The following ANK1 variants were observed in gnomAD, a reference collection of about 807,000 sequenced individuals.
ANK1 encodes the protein ankyrin 1.
A neutral mutation model predicts 210.4 loss-of-function variants in ANK1; 51 were observed. The ratio of observed to expected loss-of-function variants is 0.24; its 90% CI spans 0.19 to 0.31. ANK1 has a LOEUF of 0.31. Ranked by LOEUF, ANK1 falls within the 10% of genes least tolerant of loss-of-function variation. The pLI is 1.00. For synonymous variants in ANK1, 967 were observed against 1,025.9 expected (o/e 0.94, Z 1.10); for missense variants, 2,051 against 2,504.4 (o/e 0.82, Z 3.86).
chr8:41,801,686 C>T (rs942862330), upstream of ANK1, among the ~76,000 whole-genome samples: 6 of 152,112 alleles, frequency 3.9e-5, no homozygotes, highest in Non-Finnish European at 8.8e-5. Context: ...CTATTCAAGC[C>T]CTTTGCCCAT....
intron 5 of ANK1, among the ~76,000 whole-genome samples, chr8:41,726,995 T>C (rs1301388878): frequency 6.6e-6 from 1 of 152,188 alleles, no homozygotes; most frequent in Non-Finnish European, 1.5e-5. Flanking sequence ...GTCACAAGTA[T>C]TGGCCACAGC....
At chr8:41,673,925 G>A (rs1232063014) in intron 37 of ANK1, among the ~76,000 whole-genome samples, 1 of 152,208 alleles carries the variant, frequency 6.6e-6, no homozygotes, top group Admixed American at 6.5e-5. Context: ...CCCTGGGAAT[G>A]GGCAGGGCTG....
chr8:41,846,515 G>A (rs545861902), intron 1 of ANK1, among the ~76,000 whole-genome samples: 4 of 152,352 alleles, frequency 2.6e-5, no homozygotes, highest in East Asian at 1.9e-4. Flanking sequence ...CTGAAGGCTC[G>A]CAGGGGCTGG....
intron 35 of ANK1, among the ~76,000 whole-genome samples, chr8:41,687,558 C>G (rs11780566): frequency 0.43 from 64,663 of 152,060 alleles, 16,162 homozygotes; most frequent in Middle Eastern, 0.55. Context: ...CTTAACAGCC[C>G]GAGCCCTGAA....
At chr8:41,660,508 C>T in intron 42 of ANK1, 1 of 466,470 alleles carries the variant, frequency 2.1e-6, no homozygotes, top group South Asian at 1.6e-5. Flanking sequence ...GTACAGGATG[C>T]CCCAGGGAGG....
At chr8:41,719,551 G>A in intron 10 of ANK1, 110 bp downstream of exon 10, 1 of 1,423,704 alleles carries the variant, frequency 7.0e-7, no homozygotes, top group Non-Finnish European at 9.8e-7. Context: ...CTCGAATCTG[G>A]GGAGCTCCGG....
chr8:41,878,227 C>G (rs1816937300), intron 1 of ANK1, among the ~76,000 whole-genome samples: 1 of 152,170 alleles, frequency 6.6e-6, no homozygotes, highest in South Asian at 2.1e-4. Flanking sequence ...TTCCTAGCTA[C>G]CCTACCGGGA....
rs185350979 is a variant in ANK1, at chr8:41,737,567, C to T, written c.130-3498G>A. ...GGGCCGCCTGAGTAGACCTGCCTCT[C>T]GCGGAGCTGCACTCTCCCTCCATCC... On this transcript the variant is annotated intron_variant, in intron 2 of 42. Transcript: ENST00000289734. 4.6e-5 allele frequency among the ~76,000 whole-genome samples: 7 copies of T among 152,352 alleles called. No homozygotes were observed. In the East Asian group the frequency reaches 1.2e-3, roughly 25 times the overall value.
intron 1 of ANK1, among the ~76,000 whole-genome samples, chr8:41,883,362 T>C (rs1433741636): frequency 3.3e-5 from 5 of 152,260 alleles, no homozygotes; most frequent in Admixed American, 1.3e-4. Flanking sequence ...TGTAAGCCAG[T>C]TGGCATCTGG....
intron 1 of ANK1, among the ~76,000 whole-genome samples, chr8:41,758,491 C>G (rs1206008093): frequency 6.6e-6 from 1 of 152,068 alleles, no homozygotes; most frequent in Non-Finnish European, 1.5e-5. Flanking sequence ...TACCACCAAG[C>G]CCAACTATTT....
chr8:41,693,863 G>A (rs564389607), intron 29 of ANK1, 35 bp downstream of exon 29: 1 of 1,573,414 alleles, frequency 6.4e-7, no homozygotes, highest in South Asian at 1.2e-5. Flanking sequence ...CACTGCAGCA[G>A]CCGAGAACAG....
intron 2 of ANK1, among the ~76,000 whole-genome samples, chr8:41,752,117 G>C (rs1837851378): frequency 6.6e-6 from 1 of 152,090 alleles, no homozygotes; most frequent in Non-Finnish European, 1.5e-5. Context: ...TCTCCCTAGA[G>C]AGCCCTCCCA....
At chr8:41,821,866 A>G (rs1587204407) in intron 1 of ANK1, among the ~76,000 whole-genome samples, 1 of 152,056 alleles carries the variant, frequency 6.6e-6, no homozygotes, top group East Asian at 1.9e-4. Flanking sequence ...TGGCCAACAT[A>G]GTGAAACCTC....
intron 2 of ANK1, among the ~76,000 whole-genome samples, chr8:41,743,473 G>T (rs1029754976): frequency 2.0e-5 from 3 of 152,220 alleles, no homozygotes; most frequent in African/African-American, 7.2e-5. Flanking sequence ...CAAAGCTGAA[G>T]GAGTGCTTTC....
chr8:41,709,214 T>C (rs186091926), intron 16 of ANK1, among the ~76,000 whole-genome samples: 1 of 152,342 alleles, frequency 6.6e-6, no homozygotes, highest in Non-Finnish European at 1.5e-5. Flanking sequence ...CTGTTTTCTG[T>C]TATGCTTTGA....
intron 2 of ANK1, among the ~76,000 whole-genome samples, chr8:41,755,755 A>T (rs543840130): frequency 6.6e-5 from 10 of 152,290 alleles, no homozygotes; most frequent in Admixed American, 1.3e-4. Context: ...TGGCATCAAA[A>T]AATGGGCTGA....
At chr8:41,711,581 C>G (rs1343884874) in intron 16 of ANK1, among the ~76,000 whole-genome samples, 1 of 152,246 alleles carries the variant, frequency 6.6e-6, no homozygotes, top group Non-Finnish European at 1.5e-5. Context: ...ACCCTTCTCT[C>G]AACTTCATGC....
intron 20 of ANK1, among the ~76,000 whole-genome samples, chr8:41,702,503 G>C (rs982214649): frequency 6.6e-6 from 1 of 152,254 alleles, no homozygotes; most frequent in Non-Finnish European, 1.5e-5. Flanking sequence ...ATTTTAGGAA[G>C]ATGAGGACAG....
chr8:41,759,930 C>T (rs1232505214), intron 1 of ANK1, among the ~76,000 whole-genome samples: 1 of 152,170 alleles, frequency 6.6e-6, no homozygotes, highest in Non-Finnish European at 1.5e-5. Context: ...GACTCAGATG[C>T]AGGTAGTGTG....
Sources: allele counts gnomAD v4.1 joint callset (sites outside exome capture counted in the v4.1 genomes callset), GRCh38; gene constraint gnomAD v4.1.1; transcripts MANE v1.5; gene names NCBI Gene and HGNC (gene_info 2026-07-23, HGNC 2026-07-21).